Variants in EIF4E3 observed in about 807,000 individuals in gnomAD.
EIF4E3 encodes the protein eukaryotic translation initiation factor 4E family member 3.
Under a neutral mutation model 31.7 loss-of-function variants are expected in EIF4E3, and 26 were observed. The ratio of observed to expected loss-of-function variants is 0.82; its 90% CI spans 0.60 to 1.14. The LOEUF is 1.14. Among genes scored for constraint, EIF4E3 ranks in the 50% most tolerant of loss-of-function variants. EIF4E3 has a pLI of 0.00. For missense variants in EIF4E3, 304 were observed against 270.9 expected (o/e 1.12, Z -0.86); for synonymous variants, 128 against 107.7 (o/e 1.19, Z -1.17).
chr3:71,711,247 CA>C (rs1356520645), intron 1 of EIF4E3, among the ~76,000 whole-genome samples: 4 of 152,206 alleles, frequency 2.6e-5, no homozygotes, highest in Non-Finnish European at 5.9e-5. Context: ...CAATTCCTGC[CA>C]CCTTTTCTTT....
rs1374962441 is a variant in EIF4E3, at chr3:71,677,673, A to G, written c.*7009T>C. On this transcript the variant is annotated 3_prime_UTR_variant, in exon 7 of 7. Coordinates refer to ENST00000425534, the MANE Select transcript of EIF4E3 (RefSeq NM_001134651.2). ...TTCGCTGTGTTAAAATTAATTAGGC[A>G]TCACACATAAGATCCTGAATTGCTT... 1 of 152,260 alleles carries G rather than the reference A, an allele frequency of 6.6e-6. No individual in the cohort carries two copies. Among genetic ancestry groups the G allele is most frequent in the Non-Finnish European group, 1.5e-5 (1 of 68,048 alleles). The allele number at this position is 152,260 out of a possible 1,614,324, so 9.4% of individuals were successfully genotyped here.
chr3:71,665,455 C>T, the EIF4E3 span, among the ~76,000 whole-genome samples: 4 of 152,290 alleles, frequency 2.6e-5, no homozygotes, highest in South Asian at 6.2e-4. Context: ...AAAAATTAGC[C>T]AGAGAATTTC....
At chr3:71,700,744 C>T (rs2049204768) in intron 2 of EIF4E3, among the ~76,000 whole-genome samples, 1 of 152,114 alleles carries the variant, frequency 6.6e-6, no homozygotes, top group Non-Finnish European at 1.5e-5. Context: ...CTGTTTGCCC[C>T]TTATCTCTCC....
chr3:71,689,846 G>GTT (rs199977333), intron 6 of EIF4E3, among the ~76,000 whole-genome samples, 164 bp downstream of exon 6: 150 of 139,342 alleles, frequency 1.1e-3, no homozygotes, highest in African/African-American at 3.8e-3. Context: ...GACTAAGCTT[G>GTT]TTTTTTTTAA....
chr3:71,705,956 C>A (rs2049288010), intron 2 of EIF4E3, among the ~76,000 whole-genome samples: 1 of 152,146 alleles, frequency 6.6e-6, no homozygotes, highest in Non-Finnish European at 1.5e-5. Flanking sequence ...TGCACTGCAA[C>A]CACTGAGGAT....
chr3:71,668,045 C>G, the EIF4E3 span, among the ~76,000 whole-genome samples: 2 of 152,066 alleles, frequency 1.3e-5, no homozygotes, highest in African/African-American at 4.8e-5. Flanking sequence ...GGTACTAGTA[C>G]CAAATCAGAT....
upstream of EIF4E3, chr3:71,754,487 C>G (rs1394688715): frequency 2.6e-5 from 34 of 1,295,746 alleles, no homozygotes; most frequent in Non-Finnish European, 3.1e-5. The surrounding 1 kb of genome is among the most constrained non-coding windows in gnomAD (Gnocchi z 5.8). Flanking sequence ...TGGTGTGCGC[C>G]GCCTGGGCGC....
intron 1 of EIF4E3, among the ~76,000 whole-genome samples, chr3:71,737,714 C>A (rs1490143122): frequency 6.6e-6 from 1 of 152,006 alleles, no homozygotes; most frequent in Non-Finnish European, 1.5e-5. Flanking sequence ...TTGCTTGAGG[C>A]CAGGAGTTCA....
At position 71,684,531 on chromosome 3, in the gene EIF4E3, C is replaced by T. The variant is rs1578329695; in HGVS notation, c.*151G>A. The stretch of plus-strand genomic sequence containing the variant: ...CAATCTCCCCCCACCCCACCTGCCA[C>T]TTTGAGTCCTAATTGCCCATCTGCA... On this transcript the variant is annotated 3_prime_UTR_variant, in exon 7 of 7. Transcript: ENST00000425534. The T allele has an allele frequency of 1.4e-6, 1 of 698,894 alleles. No homozygotes were observed. The highest frequency in any genetic ancestry group is 2.9e-5 in the East Asian group (1 of 34,948). The allele number at this position is 698,894 out of a possible 1,614,324, so 43.3% of individuals were successfully genotyped here.
At chr3:71,725,483 G>GCGCC (rs2049624695), upstream of EIF4E3, 1 of 160,148 alleles carries the variant, frequency 6.2e-6, no homozygotes, top group Non-Finnish European at 8.0e-6. The surrounding 1 kb of genome is among the most constrained non-coding windows in gnomAD (Gnocchi z 6.1). Flanking sequence ...CCCCGGGCTA[G>GCGCC]CCGCCCGCCG....
the EIF4E3 span, among the ~76,000 whole-genome samples, chr3:71,659,619 T>C: frequency 2.0e-5 from 3 of 152,170 alleles, no homozygotes; most frequent in Non-Finnish European, 4.4e-5. Context: ...ATATTGAGAA[T>C]AACATTATTA....
chr3:71,669,759 G>C, the EIF4E3 span, among the ~76,000 whole-genome samples: 1 of 152,074 alleles, frequency 6.6e-6, no homozygotes, highest in Admixed American at 6.5e-5. Flanking sequence ...GCTCTGTCTG[G>C]AGTCTCCACA....
At chr3:71,719,326 A>G (rs1454687325) in intron 1 of EIF4E3, among the ~76,000 whole-genome samples, 1 of 152,202 alleles carries the variant, frequency 6.6e-6, no homozygotes, top group Non-Finnish European at 1.5e-5. Flanking sequence ...TTGGATTTCT[A>G]TGGCATTTGT....
intron 1 of EIF4E3, among the ~76,000 whole-genome samples, chr3:71,744,331 GA>G (rs2049850136): frequency 6.6e-6 from 1 of 152,044 alleles, no homozygotes; most frequent in East Asian, 1.9e-4. Context: ...ATAAGCACAT[GA>G]AAAAAATGTT....
downstream of EIF4E3, among the ~76,000 whole-genome samples, chr3:71,671,205 C>T (rs704284): frequency 0.033 from 5,079 of 152,210 alleles, 297 homozygotes; most frequent in African/African-American, 0.12. Context: ...ACTCAAGTGC[C>T]CTCTCTGTTG....
chr3:71,751,215 G>C (rs1443616706), intron 1 of EIF4E3, among the ~76,000 whole-genome samples: 1 of 152,140 alleles, frequency 6.6e-6, no homozygotes, highest in Admixed American at 6.5e-5. Context: ...CTAGGTGACA[G>C]AGTGAGACCC....
intron 1 of EIF4E3, among the ~76,000 whole-genome samples, chr3:71,752,395 CAA>C (rs1213365456): frequency 6.6e-6 from 1 of 152,176 alleles, no homozygotes; most frequent in African/African-American, 2.4e-5. Flanking sequence ...CTCCCCTTCT[CAA>C]AAGATTTCAA....
intron 1 of EIF4E3, among the ~76,000 whole-genome samples, chr3:71,750,386 G>A (rs770839595): frequency 6.6e-6 from 1 of 152,104 alleles, no homozygotes; most frequent in African/African-American, 2.4e-5. Flanking sequence ...CCTAGGAGTG[G>A]GAGGACCTGG....
chr3:71,722,996 A>C (rs549026255), intron 1 of EIF4E3, among the ~76,000 whole-genome samples: 5 of 152,350 alleles, frequency 3.3e-5, no homozygotes, highest in African/African-American at 1.2e-4. Flanking sequence ...GCTCATCAGC[A>C]CACAGTAGGC....
Sources: allele counts gnomAD v4.1 joint callset (sites outside exome capture counted in the v4.1 genomes callset), GRCh38; gene constraint gnomAD v4.1.1; non-coding constraint Gnocchi (gnomAD v3.1); transcripts MANE v1.5; gene names NCBI Gene and HGNC (gene_info 2026-07-23, HGNC 2026-07-21).